Variants in KCNQ5 observed in about 807,000 individuals in gnomAD.
KCNQ5 encodes the protein potassium voltage-gated channel subfamily Q member 5, also known as potassium voltage-gated channel subfamily KQT member 5.
In KCNQ5, 30 loss-of-function variants were observed where a neutral mutation model predicts 98.2. The observed-to-expected ratio is 0.31, with a 90% CI of 0.23 to 0.41. The LOEUF (loss-of-function observed/expected upper bound fraction) is 0.41. Ranked by LOEUF, KCNQ5 falls within the 10% of genes least tolerant of loss-of-function variation. The pLI is 1.00. For missense variants in KCNQ5, 835 were observed against 1,182.5 expected (o/e 0.71, Z 4.31); for synonymous variants, 458 against 449.4 (o/e 1.02, Z -0.24).
intron 1 of KCNQ5, among the ~76,000 whole-genome samples, chr6:72,681,447 G>A (rs1239026735): frequency 6.6e-6 from 1 of 152,152 alleles, no homozygotes; most frequent in East Asian, 1.9e-4. Flanking sequence ...GAAGAATGAA[G>A]TGACTTTTCC....
rs144295172 is a variant in KCNQ5, at chr6:73,024,978, C to T, written c.490-16958C>T. 2.8e-3 allele frequency among the ~76,000 whole-genome samples: 433 copies of T among 152,296 alleles called. 12 individuals carry two copies. Among genetic ancestry groups the T allele is most frequent in the Admixed American group, 0.026 (392 of 15,300 alleles). ...CATGCTTTTCTTAATATTTTGAACA[C>T]TCAACATTTGATTGAGAGGCACGGG... On this transcript the variant is annotated intron_variant, in intron 2 of 13. Coordinates refer to ENST00000370398, the MANE Select transcript of KCNQ5 (RefSeq NM_019842.4).
At chr6:73,175,651 C>T (rs544306286) in intron 11 of KCNQ5, among the ~76,000 whole-genome samples, 2 of 152,370 alleles carry the variant, frequency 1.3e-5, no homozygotes, top group African/African-American at 2.4e-5. Flanking sequence ...CTCTTTAAAA[C>T]TCTTCCCAGC....
At chr6:72,796,147 C>A (rs540226762) in intron 1 of KCNQ5, among the ~76,000 whole-genome samples, 1 of 151,984 alleles carries the variant, frequency 6.6e-6, no homozygotes, top group Non-Finnish European at 1.5e-5. Flanking sequence ...TATGAATATT[C>A]ATATTTGCCT....
At chr6:72,825,862 A>G (rs890470929) in intron 1 of KCNQ5, among the ~76,000 whole-genome samples, 3 of 152,170 alleles carry the variant, frequency 2.0e-5, no homozygotes, top group African/African-American at 4.8e-5. Flanking sequence ...AATCAGTGTC[A>G]TGGAATGTTT....
intron 1 of KCNQ5, among the ~76,000 whole-genome samples, chr6:72,670,696 G>C (rs887376952): frequency 2.0e-5 from 3 of 152,210 alleles, no homozygotes; most frequent in Non-Finnish European, 4.4e-5. Context: ...GCTGTAGACA[G>C]ACACCTTCTT....
chr6:72,840,628 T>G (rs1039451422), intron 1 of KCNQ5, among the ~76,000 whole-genome samples: 1 of 152,210 alleles, frequency 6.6e-6, no homozygotes, highest in Non-Finnish European at 1.5e-5. Flanking sequence ...CGGCTAGTTG[T>G]TTTTCTGTAT....
At chr6:72,883,625 T>A (rs1381515101) in intron 1 of KCNQ5, among the ~76,000 whole-genome samples, 2 of 152,042 alleles carry the variant, frequency 1.3e-5, no homozygotes, top group East Asian at 3.8e-4. Flanking sequence ...CAGTGAGAGA[T>A]AACATCAGAA....
chr6:73,098,670 A>C (rs542175651), intron 5 of KCNQ5, among the ~76,000 whole-genome samples: 1 of 152,276 alleles, frequency 6.6e-6, no homozygotes, highest in South Asian at 2.1e-4. Context: ...AGCCTTCATG[A>C]AGGAGAAATA....
At chr6:73,125,543 G>C (rs752275122) in intron 9 of KCNQ5, 1 of 511,632 alleles carries the variant, frequency 2.0e-6, no homozygotes, top group South Asian at 1.4e-5. Context: ...GTGGAGGCCA[G>C]TGTGGGCCCA....
At chr6:73,191,707 T>A (rs1193509038) in intron 12 of KCNQ5, among the ~76,000 whole-genome samples, 2 of 152,206 alleles carry the variant, frequency 1.3e-5, no homozygotes, top group Non-Finnish European at 2.9e-5. Context: ...GAGCCCATCA[T>A]GTGTGCCAGG....
intron 11 of KCNQ5, among the ~76,000 whole-genome samples, chr6:73,170,948 A>G (rs1250698776): frequency 6.6e-6 from 1 of 152,134 alleles, no homozygotes; most frequent in African/African-American, 2.4e-5. Flanking sequence ...AAATAAAATA[A>G]AATAAAATAA....
intron 5 of KCNQ5, among the ~76,000 whole-genome samples, chr6:73,097,511 C>G (rs1774564246): frequency 6.6e-6 from 1 of 152,108 alleles, no homozygotes; most frequent in African/African-American, 2.4e-5. Flanking sequence ...AATTGAAATC[C>G]TTTCCTCTAA....
intron 1 of KCNQ5, among the ~76,000 whole-genome samples, chr6:72,958,212 T>G (rs1032637150): frequency 2.0e-5 from 3 of 152,144 alleles, no homozygotes; most frequent in African/African-American, 7.2e-5. Context: ...ATAAAACAAA[T>G]GGGCAGTAGA....
intron 1 of KCNQ5, among the ~76,000 whole-genome samples, chr6:72,826,117 C>T (rs890422240): frequency 1.3e-5 from 2 of 151,944 alleles, no homozygotes; most frequent in African/African-American, 4.8e-5. Context: ...TTGCACAAAG[C>T]AATTCAGGGT....
chr6:72,956,928 A>G (rs1261167169), intron 1 of KCNQ5, among the ~76,000 whole-genome samples: 1 of 151,784 alleles, frequency 6.6e-6, no homozygotes, highest in Non-Finnish European at 1.5e-5. Flanking sequence ...CTGTTAATAG[A>G]CTATTTAAAG....
intron 1 of KCNQ5, among the ~76,000 whole-genome samples, chr6:72,700,448 T>C (rs769670830): frequency 6.6e-6 from 1 of 152,184 alleles, no homozygotes; most frequent in Non-Finnish European, 1.5e-5. Context: ...CTCCCATTCC[T>C]TTTTTATTTT....
chr6:72,775,284 A>G (rs2154477612), intron 1 of KCNQ5, among the ~76,000 whole-genome samples: 1 of 152,332 alleles, frequency 6.6e-6, no homozygotes, highest in Non-Finnish European at 1.5e-5. Flanking sequence ...ATTGAGTGAA[A>G]GAAGCCAGAA....
chr6:73,063,319 A>G lies in KCNQ5; in HGVS notation c.617-14003A>G, dbSNP rs528124386. Among the ~76,000 whole-genome samples, 28 of 152,290 alleles carry G rather than the reference A, an allele frequency of 1.8e-4. No individual in the cohort carries two copies. In the South Asian group the frequency reaches 5.8e-3, roughly 32 times the overall value. On this transcript the variant is annotated intron_variant, in intron 3 of 13. Coordinates refer to ENST00000370398, the MANE Select transcript of KCNQ5 (RefSeq NM_019842.4). The stretch of plus-strand genomic sequence containing the variant: ...TAGCTTTAGGATTTGTTATAAGACA[A>G]TGTGTTTCACCGCCTGACCTGCAGC...
intron 1 of KCNQ5, among the ~76,000 whole-genome samples, chr6:72,649,373 CTTAG>C (rs1239664980): frequency 3.9e-5 from 6 of 152,080 alleles, no homozygotes; most frequent in Non-Finnish European, 5.9e-5. Context: ...GTTTAAGAAC[CTTAG>C]TTAGGAAACT....
Sources: gnomAD v4.1 joint callset for allele counts (sites outside exome capture counted in the v4.1 genomes callset) on GRCh38, gnomAD v4.1.1 for gene constraint, MANE v1.5 for transcripts, NCBI Gene and HGNC (gene_info 2026-07-23, HGNC 2026-07-21) for gene names.